FHIT: variants seen among roughly 807,000 people sequenced by gnomAD.
The protein encoded by FHIT is fragile histidine triad diadenosine triphosphatase.
In FHIT, 19 loss-of-function variants were observed where a neutral mutation model predicts 17.9. The observed-to-expected ratio is 1.06, with a 90% CI of 0.74 to 1.56. FHIT has a LOEUF of 1.56. Among genes scored for constraint, FHIT ranks in the 40% most tolerant of loss-of-function variants. FHIT has a pLI of 0.00. For missense variants in FHIT, 248 were observed against 189.2 expected, an observed-to-expected ratio of 1.31 and a Z score of -1.82; for synonymous variants, 81 against 69.7, an observed-to-expected ratio of 1.16 and a Z score of -0.81.
chr3:60,887,558 G>C (rs13068401), intron 3 of FHIT, among the ~76,000 whole-genome samples: 1 of 151,778 alleles, frequency 6.6e-6, no homozygotes, highest in African/African-American at 2.4e-5. Flanking sequence ...AGGCAGGAGA[G>C]TCGCTTGAAC....
chr3:60,214,393 T>G (rs995681749), intron 5 of FHIT, among the ~76,000 whole-genome samples: 3 of 152,094 alleles, frequency 2.0e-5, no homozygotes, highest in African/African-American at 7.2e-5. Flanking sequence ...AAACTAAAAC[T>G]AAAAAAGCAT....
At chr3:60,661,380 T>C (rs1166016660) in intron 4 of FHIT, among the ~76,000 whole-genome samples, 1 of 152,182 alleles carries the variant, frequency 6.6e-6, no homozygotes, top group Non-Finnish European at 1.5e-5. Context: ...AATATCATTA[T>C]TTCATTTCTT....
chr3:60,404,151 C>T (rs947580638), intron 5 of FHIT, among the ~76,000 whole-genome samples: 5 of 152,174 alleles, frequency 3.3e-5, no homozygotes, highest in Admixed American at 6.5e-5. Context: ...AGAATACTTT[C>T]GTTTTCAAAA....
chr3:59,966,228 G>A (rs1030522661), intron 7 of FHIT, among the ~76,000 whole-genome samples: 6 of 152,090 alleles, frequency 3.9e-5, no homozygotes, highest in African/African-American at 1.4e-4. Context: ...TGGCACCCAA[G>A]AGAGAAAGCA....
intron 4 of FHIT, among the ~76,000 whole-genome samples, chr3:60,557,620 G>A (rs1216739320): frequency 6.6e-6 from 1 of 151,600 alleles, no homozygotes; most frequent in Non-Finnish European, 1.5e-5. Context: ...TCATCTGCTT[G>A]CTTGGTTCAC....
At chr3:60,776,575 T>C (rs568763939) in intron 4 of FHIT, among the ~76,000 whole-genome samples, 119 of 152,328 alleles carry the variant, frequency 7.8e-4, no homozygotes, top group African/African-American at 2.7e-3. Context: ...AGAACTATAT[T>C]GACTTGCCAG....
chr3:60,203,603 T>C lies in FHIT; in HGVS notation c.104-189451A>G, dbSNP rs181013795. Among the ~76,000 whole-genome samples, 99 of 152,314 alleles carry C rather than the reference T, an allele frequency of 6.5e-4. No individual in the cohort carries two copies. The Middle Eastern group carries it at 0.01, about 16-fold the overall frequency. ...CTCCAGATGCACTGCTCTGTGCAAC[T>C]ATATAATAACTATTACCTGGTCAAC... On this transcript the variant is annotated intron_variant, in intron 5 of 9. Coordinates refer to ENST00000492590, the MANE Select transcript of FHIT (RefSeq NM_002012.4).
intron 4 of FHIT, chr3:60,732,316 T>A: frequency 1.1e-6 from 1 of 939,546 alleles, no homozygotes. Flanking sequence ...TGGGAACCAT[T>A]TGTGTTGGGT....
intron 5 of FHIT, among the ~76,000 whole-genome samples, chr3:60,499,708 A>T (rs1177563393): frequency 1.3e-5 from 2 of 152,046 alleles, no homozygotes; most frequent in Non-Finnish European, 2.9e-5. Context: ...ATTATTGAGC[A>T]TGCAAACTTG....
intron 4 of FHIT, among the ~76,000 whole-genome samples, chr3:60,657,793 A>G (rs934113355): frequency 2.0e-5 from 3 of 152,092 alleles, no homozygotes; most frequent in Non-Finnish European, 2.9e-5. Flanking sequence ...TTCCATATCC[A>G]CCACCATCCC....
intron 5 of FHIT, among the ~76,000 whole-genome samples, chr3:60,059,240 T>A (rs1702207442): frequency 6.6e-6 from 1 of 152,058 alleles, no homozygotes; most frequent in Non-Finnish European, 1.5e-5. Flanking sequence ...GTTGGGCGAG[T>A]GAGCACAAGC....
intron 2 of FHIT, among the ~76,000 whole-genome samples, chr3:61,145,162 C>T (rs1310127343): frequency 2.0e-5 from 3 of 152,054 alleles, no homozygotes; most frequent in African/African-American, 7.2e-5. Flanking sequence ...GGATTTTATA[C>T]TGTTACCTTT....
intron 4 of FHIT, among the ~76,000 whole-genome samples, chr3:60,745,513 GGTA>G (rs1553715116): frequency 6.6e-6 from 1 of 152,122 alleles, no homozygotes; most frequent in African/African-American, 2.4e-5. Flanking sequence ...GTATAATGGT[GGTA>G]GTTGATGTGA....
At chr3:60,890,221 T>TAAAAAAAAAAAAAAAAAAAAAAAAAAAAA (rs59950717) in intron 3 of FHIT, among the ~76,000 whole-genome samples, 1 of 115,658 alleles carries the variant, frequency 8.6e-6, no homozygotes, top group African/African-American at 3.8e-5. Flanking sequence ...TTCCATGATG[T>TAAAAAAAAAAAAAAAAAAAAAAAAAAAAA]AAAAAAAAAA....
At chr3:59,880,296 T>C (rs1475772184) in intron 8 of FHIT, among the ~76,000 whole-genome samples, 1 of 152,104 alleles carries the variant, frequency 6.6e-6, no homozygotes, top group Non-Finnish European at 1.5e-5. Flanking sequence ...GGGATCTCTC[T>C]CCTCCCTGGC....
chr3:60,489,855 C>A (rs372099548), intron 5 of FHIT, among the ~76,000 whole-genome samples: 3 of 152,064 alleles, frequency 2.0e-5, no homozygotes, highest in African/African-American at 7.2e-5. Context: ...TGAAGAAATC[C>A]TTCAAGTTTC....
intron 3 of FHIT, among the ~76,000 whole-genome samples, chr3:60,847,390 T>C (rs1020495322): frequency 3.9e-5 from 6 of 151,904 alleles, no homozygotes; most frequent in Admixed American, 6.5e-5. Flanking sequence ...TAAGTGGGCA[T>C]ATGGTGAATC....
At chr3:60,908,104 C>T (rs1448277512) in intron 3 of FHIT, among the ~76,000 whole-genome samples, 1 of 152,172 alleles carries the variant, frequency 6.6e-6, no homozygotes, top group Admixed American at 6.5e-5. Flanking sequence ...ACTGATATCT[C>T]CTGTGTGCCT....
intron 5 of FHIT, among the ~76,000 whole-genome samples, chr3:60,424,884 T>A (rs2107275302): frequency 6.6e-6 from 1 of 152,286 alleles, no homozygotes; most frequent in South Asian, 2.1e-4. Flanking sequence ...CAAACAAAAA[T>A]AACTGATCCA....
Sources: gnomAD v4.1 joint callset for allele counts (sites outside exome capture counted in the v4.1 genomes callset) on GRCh38, gnomAD v4.1.1 for gene constraint, MANE v1.5 for transcripts, NCBI Gene and HGNC (gene_info 2026-07-23, HGNC 2026-07-21) for gene names.